The following ROBO2 variants were observed in gnomAD, a reference collection of about 807,000 sequenced individuals.
ROBO2 encodes roundabout guidance receptor 2.
In ROBO2, 53 loss-of-function variants were observed where a neutral mutation model predicts 160.8. The observed-to-expected ratio is 0.33, with a 90% CI of 0.26 to 0.41. The LOEUF (loss-of-function observed/expected upper bound fraction) is 0.41. ROBO2 is among the 10% of genes least tolerant of loss of function. The pLI is 1.00. For missense variants in ROBO2, 1,577 were observed against 1,722.4 expected (o/e 0.92, Z 1.49); for synonymous variants, 664 against 611.7 (o/e 1.09, Z -1.26).
At chr3:76,707,782 G>T (rs1308214551) in intron 2 of ROBO2, among the ~76,000 whole-genome samples, 1 of 146,160 alleles carries the variant, frequency 6.8e-6, no homozygotes, top group Non-Finnish European at 1.5e-5. Context: ...GCAAGGCTGA[G>T]ATTTCTGTAT....
chr3:77,128,906 T>C (rs2075594310), intron 2 of ROBO2, among the ~76,000 whole-genome samples: 1 of 152,210 alleles, frequency 6.6e-6, no homozygotes, highest in Non-Finnish European at 1.5e-5. Context: ...AAATTCAGGC[T>C]TACTCATTTC....
At chr3:77,199,337 C>T (rs1212037366) in intron 2 of ROBO2, among the ~76,000 whole-genome samples, 1 of 152,154 alleles carries the variant, frequency 6.6e-6, no homozygotes, top group Non-Finnish European at 1.5e-5. Context: ...CCTGGTTGAA[C>T]ACCAGTTGGG....
intron 2 of ROBO2, among the ~76,000 whole-genome samples, chr3:77,214,625 A>G (rs983216994): frequency 1.3e-5 from 2 of 152,162 alleles, no homozygotes; most frequent in East Asian, 3.9e-4. Flanking sequence ...TGTCATTATG[A>G]TGTTAGCTGG....
At chr3:77,431,742 T>G (rs1408715448) in intron 2 of ROBO2, among the ~76,000 whole-genome samples, 1 of 152,210 alleles carries the variant, frequency 6.6e-6, no homozygotes, top group Non-Finnish European at 1.5e-5. Flanking sequence ...AGGGGCAGAC[T>G]GGTTGACTTC....
chr3:77,070,628 T>C, intron 1 of ROBO2, among the ~76,000 whole-genome samples: 1 of 152,086 alleles, frequency 6.6e-6, no homozygotes, highest in East Asian at 1.9e-4. Context: ...AAGAGAGTTG[T>C]CAGCAAAGGG....
chr3:77,440,986 G>A (rs767594220), intron 2 of ROBO2, among the ~76,000 whole-genome samples: 3 of 151,900 alleles, frequency 2.0e-5, no homozygotes, highest in African/African-American at 7.3e-5. Context: ...CCCTAATTCT[G>A]TTTACAATTC....
At chr3:76,878,637 G>C (rs1454501002) in intron 2 of ROBO2, among the ~76,000 whole-genome samples, 4 of 152,022 alleles carry the variant, frequency 2.6e-5, no homozygotes, top group Admixed American at 1.3e-4. Context: ...TTGCCAACTA[G>C]CCGTATTTTC....
intron 2 of ROBO2, among the ~76,000 whole-genome samples, chr3:76,890,369 G>C (rs1384823278): frequency 6.6e-6 from 1 of 152,184 alleles, no homozygotes; most frequent in Non-Finnish European, 1.5e-5. Flanking sequence ...TCTGTTCCAA[G>C]TATCTGCATT....
intron 2 of ROBO2, among the ~76,000 whole-genome samples, chr3:77,209,484 C>T (rs2083841736): frequency 6.6e-6 from 1 of 152,150 alleles, no homozygotes; most frequent in African/African-American, 2.4e-5. Context: ...ATTAGGCACA[C>T]ACTCCACTTT....
chr3:76,571,396 A>C (rs945945115), intron 2 of ROBO2, among the ~76,000 whole-genome samples: 2 of 152,134 alleles, frequency 1.3e-5, no homozygotes, highest in Non-Finnish European at 2.9e-5. Context: ...AAACAATAAA[A>C]TATAGGAAGC....
At chr3:76,750,638 C>T (rs199815264) in intron 2 of ROBO2, among the ~76,000 whole-genome samples, 23 of 151,938 alleles carry the variant, frequency 1.5e-4, no homozygotes, top group African/African-American at 5.3e-4. Flanking sequence ...ACAAGCATTC[C>T]TATACACCAA....
chr3:76,944,229 A>G (rs148153168), intron 2 of ROBO2, among the ~76,000 whole-genome samples: 187 of 152,280 alleles, frequency 1.2e-3, no homozygotes, highest in African/African-American at 4.4e-3. Flanking sequence ...TATACATACT[A>G]CAATCCTATA....
chr3:75,982,082 ATTGTTGC>A (rs2065294543), intron 2 of ROBO2, among the ~76,000 whole-genome samples: 1 of 151,304 alleles, frequency 6.6e-6, no homozygotes, highest in Admixed American at 6.6e-5. Flanking sequence ...TTCCATCCAT[ATTGTTGC>A]AAATGACTGA....
Position 77,076,620 on chromosome 3 carries a change from T to C in ROBO2, c.62-21394T>C, listed in dbSNP as rs2068036229. 2.0e-5 allele frequency among the ~76,000 whole-genome samples: 3 copies of C among 152,156 alleles called. No individual in the cohort carries two copies. In the South Asian group the frequency reaches 6.2e-4, roughly 31 times the overall value. On this transcript the variant is annotated intron_variant, in intron 1 of 25. Transcript: ENST00000461745. ...TCAAATTATATGGAATCTTTACAAATGATTGCCTTAAAACTTGAATAAAAC... is the reference window on the plus strand; with the variant it reads ...TCAAATTATATGGAATCTTTACAAACGATTGCCTTAAAACTTGAATAAAAC...
intron 1 of ROBO2, among the ~76,000 whole-genome samples, chr3:75,918,620 T>C (rs1332679799): frequency 6.6e-6 from 1 of 152,230 alleles, no homozygotes; most frequent in African/African-American, 2.4e-5. Flanking sequence ...TAAATTACTT[T>C]GGGCAATATG....
At chr3:76,264,520 G>T (rs1482326287) in intron 2 of ROBO2, among the ~76,000 whole-genome samples, 2 of 151,996 alleles carry the variant, frequency 1.3e-5, no homozygotes, top group African/African-American at 4.8e-5. Flanking sequence ...GATATATAAG[G>T]TTCCTTTCCG....
chr3:76,939,355 C>T (rs2077995458), intron 2 of ROBO2, among the ~76,000 whole-genome samples: 1 of 152,176 alleles, frequency 6.6e-6, no homozygotes, highest in Admixed American at 6.5e-5. Context: ...TGATTTTTAA[C>T]ATTGGTAAAA....
chr3:77,209,131 C>T (rs1445909812), intron 2 of ROBO2, among the ~76,000 whole-genome samples: 1 of 152,076 alleles, frequency 6.6e-6, no homozygotes, highest in Non-Finnish European at 1.5e-5. Context: ...CTATTAAAAA[C>T]TTTATTCCAG....
At chr3:77,459,387 G>C (rs560039387) in intron 2 of ROBO2, among the ~76,000 whole-genome samples, 8 of 152,116 alleles carry the variant, frequency 5.3e-5, no homozygotes, top group Non-Finnish European at 1.0e-4. Flanking sequence ...GTAATGACAA[G>C]AATTGAAATT....
Sources: allele counts gnomAD v4.1 joint callset (sites outside exome capture counted in the v4.1 genomes callset), GRCh38; gene constraint gnomAD v4.1.1; transcripts MANE v1.5; gene names NCBI Gene and HGNC (gene_info 2026-07-23, HGNC 2026-07-21).